Variants in SLCO6A1 observed in about 807,000 individuals in gnomAD.
SLCO6A1 encodes solute carrier organic anion transporter family member 6A1.
A neutral mutation model predicts 72.7 loss-of-function variants in SLCO6A1; 65 were observed. That is an observed-to-expected ratio of 0.89 (90% confidence interval 0.73 to 1.10). The LOEUF (loss-of-function observed/expected upper bound fraction) is 1.10, where lower values mean the gene tolerates loss of function less well. Among genes scored for constraint, SLCO6A1 ranks in the 50% least tolerant of loss-of-function variants. The probability of loss-of-function intolerance (pLI) is 0.00; values close to 1 mark genes in which losing one functional copy is unlikely to be tolerated. For missense variants in SLCO6A1, 874 were observed against 872.6 expected (o/e 1.00, Z -0.02); for synonymous variants, 314 against 298.2 (o/e 1.05, Z -0.55).
At chr5:102,419,069 T>C (rs1195599754) in intron 8 of SLCO6A1, among the ~76,000 whole-genome samples, 1 of 152,164 alleles carries the variant, frequency 6.6e-6, no homozygotes, top group East Asian at 1.9e-4. Flanking sequence ...TTGTTGCCAA[T>C]GTTCAGAATC....
At chr5:102,389,975 A>C (rs1292356973) in intron 11 of SLCO6A1, among the ~76,000 whole-genome samples, 1 of 152,096 alleles carries the variant, frequency 6.6e-6, no homozygotes, top group Non-Finnish European at 1.5e-5. Flanking sequence ...CCTGGCCTCA[A>C]GCCATCCTCC....
chr5:102,407,637 CCGGGCTCCT>C (rs1329414757), intron 9 of SLCO6A1, among the ~76,000 whole-genome samples: 1 of 152,108 alleles, frequency 6.6e-6, no homozygotes, highest in Non-Finnish European at 1.5e-5. Context: ...TTAAAATGTA[CCGGGCTCCT>C]CTTGAAATCA....
At chr5:102,467,941 T>C (rs1271409504) in intron 4 of SLCO6A1, among the ~76,000 whole-genome samples, 1 of 152,162 alleles carries the variant, frequency 6.6e-6, no homozygotes, top group Non-Finnish European at 1.5e-5. Context: ...AATCATGCTC[T>C]TTCAGACTTC....
At chr5:102,417,483 G>A (rs1158268307) in intron 8 of SLCO6A1, among the ~76,000 whole-genome samples, 1 of 151,490 alleles carries the variant, frequency 6.6e-6, no homozygotes, top group African/African-American at 2.4e-5. Flanking sequence ...TAACTATGTT[G>A]ATTTATGTGT....
chr5:102,373,408 G>A lies in SLCO6A1; in HGVS notation c.2104C>T (p.Pro702Ser). 6.3e-7 allele frequency: 1 copy of A among 1,581,204 alleles called. No homozygotes were observed. The highest frequency in any genetic ancestry group is 8.6e-7 in the Non-Finnish European group (1 of 1,165,742). ...KRRLNENTDF[P>S]DVTVKNPKVK... ...TTTGGATTCTTCACAGTTACATCTG[G>A]GAAGTCAGTGTTCTCATTTAGACGA... The change falls in exon 13 of 14, where the codon CCA (proline) becomes TCA (serine). Residue 702 changes from proline (P) to serine (S), a missense_variant. By Grantham distance (74) the Pro-to-Ser change is moderately conservative. Coordinates refer to ENST00000506729, the MANE Select transcript of SLCO6A1 (RefSeq NM_173488.5).
At chr5:102,439,648 A>C (rs1474242543) in intron 6 of SLCO6A1, among the ~76,000 whole-genome samples, 1 of 152,080 alleles carries the variant, frequency 6.6e-6, no homozygotes, top group Admixed American at 6.6e-5. Context: ...ACCATCACAA[A>C]CTACACTACA....
chr5:102,383,109 T>G (rs1171936652), intron 12 of SLCO6A1, among the ~76,000 whole-genome samples: 2 of 148,544 alleles, frequency 1.3e-5, no homozygotes, highest in African/African-American at 2.5e-5. Flanking sequence ...TATATATATA[T>G]AGTGTTTTAT....
At chr5:102,394,423 T>C (rs1015794359) in intron 10 of SLCO6A1, among the ~76,000 whole-genome samples, 3 of 151,854 alleles carry the variant, frequency 2.0e-5, no homozygotes, top group Non-Finnish European at 2.9e-5. Flanking sequence ...TTGCTTATAC[T>C]CCTATCCTCT....
At chr5:102,389,637 T>C (rs1359927548) in intron 11 of SLCO6A1, among the ~76,000 whole-genome samples, 1 of 152,058 alleles carries the variant, frequency 6.6e-6, no homozygotes, top group Non-Finnish European at 1.5e-5. Context: ...TATTTTTAAT[T>C]ACTCAAGTTT....
At chr5:102,433,683 G>A (rs562898602) in intron 7 of SLCO6A1, among the ~76,000 whole-genome samples, 4 of 152,220 alleles carry the variant, frequency 2.6e-5, no homozygotes, top group African/African-American at 7.2e-5. Context: ...TCCAATGGAC[G>A]GTGGCAGCCA....
intron 9 of SLCO6A1, among the ~76,000 whole-genome samples, chr5:102,407,238 C>G (rs553663587): frequency 5.6e-4 from 85 of 152,276 alleles, no homozygotes; most frequent in African/African-American, 2.0e-3. Flanking sequence ...GACCCAACAA[C>G]CCAGTTACCC....
At chr5:102,393,912 C>T (rs75558602) in intron 10 of SLCO6A1, among the ~76,000 whole-genome samples, 1 of 152,298 alleles carries the variant, frequency 6.6e-6, no homozygotes, top group African/African-American at 2.4e-5. Context: ...TTCACTGCTT[C>T]AGATTTCAGC....
chr5:102,391,140 T>C, intron 10 of SLCO6A1, 95 bp from the exon 11 acceptor site: 4 of 1,202,382 alleles, frequency 3.3e-6, no homozygotes, highest in East Asian at 4.7e-5. Context: ...TTTTTTCTGG[T>C]GCATCAATTG....
chr5:102,389,456 C>CT (rs1554065638), intron 11 of SLCO6A1, among the ~76,000 whole-genome samples: 9 of 81,854 alleles, frequency 1.1e-4, no homozygotes, highest in Admixed American at 3.8e-4. Flanking sequence ...CCCCCCACCC[C>CT]CACACACACA....
chr5:102,432,075 C>T (rs567786077), intron 7 of SLCO6A1, among the ~76,000 whole-genome samples: 6 of 151,854 alleles, frequency 4.0e-5, no homozygotes, highest in Non-Finnish European at 8.8e-5. Flanking sequence ...TTTTCCCCTT[C>T]AGTTTCCATT....
intron 3 of SLCO6A1, 44 bp from the exon 4 acceptor site, chr5:102,475,837 G>A (rs924707099): frequency 9.8e-6 from 14 of 1,422,820 alleles, no homozygotes; most frequent in Non-Finnish European, 1.4e-5. Context: ...AATTTCATAA[G>A]CCAGCTTCGT....
chr5:102,385,241 C>T (rs1561416630), intron 12 of SLCO6A1, among the ~76,000 whole-genome samples: 1 of 152,062 alleles, frequency 6.6e-6, no homozygotes, highest in Non-Finnish European at 1.5e-5. Flanking sequence ...TCTCTCTTGC[C>T]TTTGACTTTT....
chr5:102,378,328 C>T (rs1745921034), intron 12 of SLCO6A1, among the ~76,000 whole-genome samples: 1 of 152,106 alleles, frequency 6.6e-6, no homozygotes, highest in Non-Finnish European at 1.5e-5. Context: ...AAACCAAACA[C>T]TGCATGTTCT....
Position 102,384,643 on chromosome 5 carries a change from C to G in SLCO6A1, c.2017+4045G>C, listed in dbSNP as rs1275327336. Among the ~76,000 whole-genome samples the G allele has an allele frequency of 2.0e-5, 3 of 152,118 alleles. No individual in the cohort carries two copies. In the East Asian group the frequency reaches 5.8e-4, roughly 29 times the overall value. ...ATGGAAACTCTAGATTTTAACTTCT[C>G]TTCATCCCACATTTACTTAACATAT... On this transcript the variant is annotated intron_variant, in intron 12 of 13. Coordinates refer to ENST00000506729, the MANE Select transcript of SLCO6A1 (RefSeq NM_173488.5).
Sources: allele counts gnomAD v4.1 joint callset (sites outside exome capture counted in the v4.1 genomes callset), GRCh38; gene constraint gnomAD v4.1.1; transcripts MANE v1.5; gene names NCBI Gene and HGNC (gene_info 2026-07-23, HGNC 2026-07-21).